The following SYT6 variants were observed in gnomAD, a reference collection of about 807,000 sequenced individuals.
The protein encoded by SYT6 is synaptotagmin-6.
SYT6 carries 24 observed loss-of-function variants against 38.4 expected under a neutral mutation model. That is an observed-to-expected ratio of 0.62 (90% CI 0.45 to 0.88). The LOEUF is 0.88. SYT6 is among the 40% of genes least tolerant of loss of function. SYT6 has a pLI of 0.00. For synonymous variants in SYT6, 265 were observed against 241.9 expected, an observed-to-expected ratio of 1.10 and a Z score of -0.89; for missense variants, 611 against 621.0, an observed-to-expected ratio of 0.98 and a Z score of 0.17.
At chr1:114,093,614 C>T in intron 7 of SYT6, 121 bp downstream of exon 7, 1 of 894,914 alleles carries the variant, frequency 1.1e-6, no homozygotes, top group Non-Finnish European at 1.7e-6. Flanking sequence ...CTCCTAACAC[C>T]CAACCAAGTG....
At chr1:114,101,882 A>G (rs1020562036) in intron 4 of SYT6, among the ~76,000 whole-genome samples, 11 of 152,212 alleles carry the variant, frequency 7.2e-5, no homozygotes, top group African/African-American at 2.7e-4. Flanking sequence ...GCTTACATCA[A>G]TGAACAAAAT....
At chr1:114,118,040 C>T (rs1008497408) in intron 3 of SYT6, among the ~76,000 whole-genome samples, 11 of 152,232 alleles carry the variant, frequency 7.2e-5, no homozygotes, top group African/African-American at 2.7e-4. Flanking sequence ...CAGCCATCTC[C>T]AAACTGCATC....
chr1:114,103,807 G>T (rs1328732149), intron 3 of SYT6, 86 bp from the exon 4 acceptor site: 7 of 1,512,380 alleles, frequency 4.6e-6, no homozygotes, highest in African/African-American at 2.8e-5. Context: ...GGGCGCTCTG[G>T]GGTCAGGAGG....
At chr1:114,148,020 C>T (rs557346534) in intron 1 of SYT6, among the ~76,000 whole-genome samples, 2 of 152,302 alleles carry the variant, frequency 1.3e-5, no homozygotes, top group East Asian at 3.9e-4. Context: ...CTCTTCTCTC[C>T]TGGGAAGTTG....
At chr1:114,135,001 C>T (rs1227823370) in intron 3 of SYT6, among the ~76,000 whole-genome samples, 1 of 152,130 alleles carries the variant, frequency 6.6e-6, no homozygotes, top group African/African-American at 2.4e-5. Flanking sequence ...CCCTCTTTTG[C>T]TTGAGTCCTT....
intron 3 of SYT6, among the ~76,000 whole-genome samples, chr1:114,114,854 C>CT (rs1185333658): frequency 6.6e-6 from 1 of 152,212 alleles, no homozygotes; most frequent in Non-Finnish European, 1.5e-5. Context: ...GGCCTCTTCT[C>CT]TTTTTTTAGG....
At position 114,148,668 on chromosome 1, in the gene SYT6, C is replaced by T. The variant is rs6674907; in HGVS notation, c.163+4942G>A. 9.3e-3 allele frequency among the ~76,000 whole-genome samples: 1,394 copies of T among 150,686 alleles called. 20 individuals are homozygous for T. The highest frequency in any genetic ancestry group is 0.032 in the African/African-American group (1,306 of 40,752). On this transcript the variant is annotated intron_variant, in intron 1 of 7. Transcript: ENST00000610222. ...ACCACTCATAAAATACTAATAATATCATTTATTTATTTATTTATTTATTTA... is the reference window on the plus strand; with the variant it reads ...ACCACTCATAAAATACTAATAATATTATTTATTTATTTATTTATTTATTTA...
At chr1:114,095,203 G>A (rs1375785446) in intron 6 of SYT6, among the ~76,000 whole-genome samples, 1 of 152,080 alleles carries the variant, frequency 6.6e-6, no homozygotes, top group Non-Finnish European at 1.5e-5. Flanking sequence ...TTCTCTTTTT[G>A]TTTTCCATAT....
chr1:114,140,141 T>C (rs1678779588), intron 1 of SYT6, among the ~76,000 whole-genome samples, 178 bp from the exon 2 acceptor site: 1 of 152,054 alleles, frequency 6.6e-6, no homozygotes. Flanking sequence ...CTCTTGATTG[T>C]CCACTTGGTG....
In SYT6 at chr1:114,105,765, G is replaced by T. The variant is rs967635422; in HGVS notation, c.1072-2044C>A. ...CCAGCTGCTTGGACTCGTGACTCTC[G>T]AGAGAGTGGTCCTTGCACTCCGCTT... On this transcript the variant is annotated intron_variant, in intron 3 of 7. Coordinates refer to ENST00000610222, the MANE Select transcript of SYT6 (RefSeq NM_001253772.2). Among the ~76,000 whole-genome samples the T allele has an allele frequency of 5.3e-5, 8 of 152,128 alleles. No homozygotes were observed. The East Asian group carries it at 7.7e-4, about 15-fold the overall frequency.
At chr1:114,147,644 C>T (rs1679224971) in intron 1 of SYT6, among the ~76,000 whole-genome samples, 1 of 152,158 alleles carries the variant, frequency 6.6e-6, no homozygotes, top group African/African-American at 2.4e-5. Flanking sequence ...CTCAGGTGGG[C>T]GGCAGTGCCA....
At chr1:114,101,177 T>C (rs1026282441) in intron 4 of SYT6, among the ~76,000 whole-genome samples, 1 of 152,186 alleles carries the variant, frequency 6.6e-6, no homozygotes, top group African/African-American at 2.4e-5. Context: ...CATGAGCTAC[T>C]GTGCCTGGCT....
intron 3 of SYT6, among the ~76,000 whole-genome samples, chr1:114,116,091 C>T (rs530478672): frequency 6.6e-6 from 1 of 152,190 alleles, no homozygotes; most frequent in Non-Finnish European, 1.5e-5. Flanking sequence ...CCACCTGCCT[C>T]TCTTGAAAGA....
intron 1 of SYT6, among the ~76,000 whole-genome samples, chr1:114,141,482 C>A (rs1442324704): frequency 6.6e-6 from 1 of 152,222 alleles, no homozygotes; most frequent in Non-Finnish European, 1.5e-5. Flanking sequence ...ACGTTTGAAT[C>A]TAGCAGAGGT....
intron 3 of SYT6, among the ~76,000 whole-genome samples, chr1:114,115,933 C>T (rs755475806): frequency 5.3e-5 from 8 of 152,124 alleles, no homozygotes; most frequent in Non-Finnish European, 1.2e-4. Flanking sequence ...CACCCCACTC[C>T]ACCCCACCTT....
Position 114,115,461 on chromosome 1 carries a change from G to T in SYT6, c.1072-11740C>A, listed in dbSNP as rs1676938545. Among the ~76,000 whole-genome samples, 3 of 150,646 alleles carry T rather than the reference G, an allele frequency of 2.0e-5. No homozygotes were observed. In the South Asian group the frequency reaches 6.3e-4, roughly 32 times the overall value. ...TTTGAGTGTCTCGCTCTGTCGCCCA[G>T]GCTGGACTGCAGTGGTGCGATCTCG... On this transcript the variant is annotated intron_variant, in intron 3 of 7. Transcript: ENST00000610222.
At chr1:114,092,365 TGTGA>T (rs1386579721) in intron 7 of SYT6, among the ~76,000 whole-genome samples, 1 of 151,388 alleles carries the variant, frequency 6.6e-6, no homozygotes, top group Non-Finnish European at 1.5e-5. Flanking sequence ...TGTGTGTGTG[TGTGA>T]GAATGAGGTG....
chr1:114,093,192 C>T (rs1229511684), intron 7 of SYT6, among the ~76,000 whole-genome samples: 1 of 152,142 alleles, frequency 6.6e-6, no homozygotes, highest in African/African-American at 2.4e-5. Flanking sequence ...ACAGCCATTC[C>T]TAGAAGGGCC....
chr1:114,118,834 A>AG lies in SYT6; in HGVS notation c.1072-15114dup, dbSNP rs577986626. On this transcript the variant is annotated intron_variant, in intron 3 of 7. Coordinates refer to ENST00000610222, the MANE Select transcript of SYT6 (RefSeq NM_001253772.2). Reference sequence around the variant, plus strand: ...TGTCAGCTGAGGCAACGCTTCCTCAAGGGGGCAGGGTCCCAAACGGGAGTG... The same window carrying AG: ...TGTCAGCTGAGGCAACGCTTCCTCAAGGGGGGCAGGGTCCCAAACGGGAGTG... Among the ~76,000 whole-genome samples the AG allele has an allele frequency of 1.2e-3, 181 of 152,270 alleles. 1 individual carries two copies. Among genetic ancestry groups the AG allele is most frequent in the African/African-American group, 4.2e-3 (176 of 41,566 alleles).
Sources: gnomAD v4.1 joint callset for allele counts (sites outside exome capture counted in the v4.1 genomes callset) on GRCh38, gnomAD v4.1.1 for gene constraint, MANE v1.5 for transcripts, NCBI Gene and HGNC (gene_info 2026-07-23, HGNC 2026-07-21) for gene names.